Variants in TBC1D22A observed in about 807,000 individuals in gnomAD.
The protein encoded by TBC1D22A is putative GTPase activator.
A neutral mutation model predicts 60.2 loss-of-function variants in TBC1D22A; 38 were observed. The observed-to-expected ratio is 0.63, with a 90% CI of 0.49 to 0.83. TBC1D22A has a LOEUF of 0.83. Among genes scored for constraint, TBC1D22A ranks in the 40% least tolerant of loss-of-function variants. The pLI is 0.00. For missense variants in TBC1D22A, 628 were observed against 701.0 expected, an observed-to-expected ratio of 0.90 and a Z score of 1.18; for synonymous variants, 302 against 281.7, an observed-to-expected ratio of 1.07 and a Z score of -0.72.
chr22:47,161,848 G>C (rs1353593542), intron 12 of TBC1D22A, among the ~76,000 whole-genome samples: 1 of 152,246 alleles, frequency 6.6e-6, no homozygotes, highest in Non-Finnish European at 1.5e-5. Context: ...ATCCTCAGCT[G>C]TTGCCCAGAT....
chr22:47,173,716 G>T lies in TBC1D22A; in HGVS notation c.*90G>T, dbSNP rs549126150. The stretch of plus-strand genomic sequence containing the variant: ...GTAGGCCCCTGTGAGCTGGTCCCGG[G>T]CTGCTAAAAGGCCTTGTGAGGTGGC... On this transcript the variant is annotated 3_prime_UTR_variant, in exon 13 of 13. Coordinates refer to ENST00000337137, the MANE Select transcript of TBC1D22A (RefSeq NM_014346.5). 2 of 1,581,940 alleles carry T rather than the reference G, an allele frequency of 1.3e-6. No individual in the cohort carries two copies. Among genetic ancestry groups the T allele is most frequent in the East Asian group, 2.3e-5 (1 of 44,406 alleles).
chr22:47,159,772 ACACT>A (rs1403123763), intron 12 of TBC1D22A, among the ~76,000 whole-genome samples: 3 of 151,134 alleles, frequency 2.0e-5, no homozygotes, highest in Non-Finnish European at 3.0e-5. Context: ...CCCACACCAC[ACACT>A]CACACAGACC....
rs1309310879 is a variant in TBC1D22A at position 47,070,005 on chromosome 22, C to T, written c.1329+32807C>T. Among the ~76,000 whole-genome samples the T allele has an allele frequency of 5.1e-5, 6 of 118,216 alleles. 1 individual carries two copies. The highest frequency in any genetic ancestry group is 1.6e-4 in the African/African-American group (4 of 25,492). The allele number at this position is 118,216 out of a possible 152,430, so 77.6% of individuals were successfully genotyped here. On this transcript the variant is annotated intron_variant, in intron 11 of 12. Transcript: ENST00000337137. ...AGCGGAGCTGACCTGACGGTCCCAGCGCTGTCCCCTGTTGTTTGGTTGGAG... is the reference window on the plus strand; with the variant it reads ...AGCGGAGCTGACCTGACGGTCCCAGTGCTGTCCCCTGTTGTTTGGTTGGAG...
At chr22:46,944,408 C>T (rs1231852192) in intron 8 of TBC1D22A, among the ~76,000 whole-genome samples, 3 of 152,008 alleles carry the variant, frequency 2.0e-5, no homozygotes, top group African/African-American at 4.8e-5. Context: ...ATGCATTCCT[C>T]TTTTTTTTGA....
intron 12 of TBC1D22A, among the ~76,000 whole-genome samples, chr22:47,136,211 C>T (rs1352389535): frequency 6.6e-6 from 1 of 152,226 alleles, no homozygotes; most frequent in South Asian, 2.1e-4. Flanking sequence ...CCCTTGCCCA[C>T]TGTCTGCCCA....
intron 11 of TBC1D22A, among the ~76,000 whole-genome samples, chr22:47,072,465 C>T (rs2064036017): frequency 6.6e-6 from 1 of 152,246 alleles, no homozygotes; most frequent in Non-Finnish European, 1.5e-5. Context: ...GTTCCCAGTC[C>T]CATCCGTGGA....
Position 46,976,481 on chromosome 22 carries a change from C to T in TBC1D22A, c.1125+2082C>T, listed in dbSNP as rs533134043. Among the ~76,000 whole-genome samples the T allele has an allele frequency of 3.3e-5, 5 of 152,270 alleles. No homozygotes were observed. In the East Asian group the frequency reaches 7.7e-4, roughly 24 times the overall value. ...GGCCGTCCGAGCAGAGCTCCTCTAG[C>T]GACTAGTGTTTACAAGCACTGCCGC... On this transcript the variant is annotated intron_variant, in intron 9 of 12. Coordinates refer to ENST00000337137, the MANE Select transcript of TBC1D22A (RefSeq NM_014346.5).
chr22:47,069,475 T>C (rs964771508), intron 11 of TBC1D22A, among the ~76,000 whole-genome samples: 18 of 152,232 alleles, frequency 1.2e-4, no homozygotes, highest in African/African-American at 4.3e-4. Flanking sequence ...GCCTCAGTGT[T>C]GCATATGTCA....
intron 5 of TBC1D22A, among the ~76,000 whole-genome samples, chr22:46,879,296 A>G (rs1363621079): frequency 7.6e-6 from 1 of 130,900 alleles, no homozygotes; most frequent in Non-Finnish European, 1.6e-5. Context: ...CCTTGGGGAA[A>G]GGTTGGGGTA....
chr22:46,776,794 A>G (rs2083725063), intron 1 of TBC1D22A, among the ~76,000 whole-genome samples: 1 of 152,048 alleles, frequency 6.6e-6, no homozygotes, highest in African/African-American at 2.4e-5. Flanking sequence ...GGTGGGAAAA[A>G]AGAGCCCTCC....
intron 12 of TBC1D22A, among the ~76,000 whole-genome samples, chr22:47,154,702 A>T (rs1875230117): frequency 6.6e-6 from 1 of 152,176 alleles, no homozygotes; most frequent in East Asian, 1.9e-4. Flanking sequence ...TTAGGCAGGG[A>T]GTGATGGCGG....
At chr22:46,855,983 C>A (rs545038024) in intron 4 of TBC1D22A, among the ~76,000 whole-genome samples, 1 of 152,314 alleles carries the variant, frequency 6.6e-6, no homozygotes, top group African/African-American at 2.4e-5. Context: ...TGTGTGACAT[C>A]TAGGCGTGTG....
Position 46,958,187 on chromosome 22 carries a change from C to T in TBC1D22A, c.1016-16103C>T, listed in dbSNP as rs139658477. 2.5e-3 allele frequency among the ~76,000 whole-genome samples: 380 copies of T among 152,292 alleles called. 1 individual carries two copies. Among genetic ancestry groups the T allele is most frequent in the African/African-American group, 8.9e-3 (368 of 41,568 alleles). Reference sequence around the variant, plus strand: ...TTCTTTTATATTTCTACATGGCACCCTGCTCTGGCGGTTGTGACCTCCTGG... The same window carrying T: ...TTCTTTTATATTTCTACATGGCACCTTGCTCTGGCGGTTGTGACCTCCTGG... On this transcript the variant is annotated intron_variant, in intron 8 of 12. Transcript: ENST00000337137.
At chr22:46,871,252 G>A (rs2067280271) in intron 4 of TBC1D22A, among the ~76,000 whole-genome samples, 1 of 152,160 alleles carries the variant, frequency 6.6e-6, no homozygotes, top group Non-Finnish European at 1.5e-5. Context: ...AAATAAACAA[G>A]TTTACAATCC....
At chr22:47,037,310 C>G (rs2062688167) in intron 11 of TBC1D22A, 112 bp downstream of exon 11, 12 of 1,451,158 alleles carry the variant, frequency 8.3e-6, no homozygotes, top group Non-Finnish European at 1.1e-5. Flanking sequence ...TCCAAGCGCT[C>G]TCTCCATTGA....
intron 5 of TBC1D22A, among the ~76,000 whole-genome samples, chr22:46,889,443 T>G (rs2068279986): frequency 6.6e-6 from 1 of 152,188 alleles, no homozygotes; most frequent in Admixed American, 6.5e-5. Context: ...GTAATTTCTT[T>G]AGAAAAAGAG....
intron 9 of TBC1D22A, among the ~76,000 whole-genome samples, chr22:46,977,022 G>A (rs758185434): frequency 1.3e-5 from 2 of 152,298 alleles, no homozygotes; most frequent in Non-Finnish European, 2.9e-5. Flanking sequence ...GCTTCTTGGC[G>A]TGGGCATTCC....
intron 8 of TBC1D22A, among the ~76,000 whole-genome samples, chr22:46,966,819 C>T (rs543020857): frequency 3.0e-4 from 46 of 152,298 alleles, no homozygotes; most frequent in African/African-American, 9.1e-4. Flanking sequence ...TCCCAGGCCC[C>T]GAGGCCTCCT....
intron 7 of TBC1D22A, 75 bp from the exon 8 acceptor site, chr22:46,911,999 G>T: frequency 1.1e-6 from 1 of 914,314 alleles, no homozygotes. Flanking sequence ...TACATTTTAA[G>T]TAATAGAATG....
Sources: allele counts gnomAD v4.1 joint callset (sites outside exome capture counted in the v4.1 genomes callset), GRCh38; gene constraint gnomAD v4.1.1; transcripts MANE v1.5; gene names NCBI Gene and HGNC (gene_info 2026-07-23, HGNC 2026-07-21).